Variants in CACNA1I observed in about 807,000 individuals in gnomAD.
CACNA1I encodes voltage-dependent T-type calcium channel subunit alpha-1I.
A neutral mutation model predicts 201.6 loss-of-function variants in CACNA1I; 74 were observed. The ratio of observed to expected loss-of-function variants is 0.37; its 90% confidence interval spans 0.30 to 0.45. The LOEUF is 0.45. CACNA1I is among the 20% of genes least tolerant of loss of function. The pLI, the probability that CACNA1I is intolerant of heterozygous loss-of-function variation, is 1.00. For synonymous variants in CACNA1I, 1,431 were observed against 1,345.2 expected (o/e 1.06, Z -1.40); for missense variants, 2,346 against 3,138.1 (o/e 0.75, Z 6.03).
At chr22:39,620,895 C>T (rs942554202) in intron 4 of CACNA1I, among the ~76,000 whole-genome samples, 3 of 152,092 alleles carry the variant, frequency 2.0e-5, no homozygotes, top group African/African-American at 7.2e-5. Flanking sequence ...GTAGCTGGGA[C>T]TACAGGCATG....
Position 39,686,730 on chromosome 22 carries a change from G to A in CACNA1I, c.*325G>A, listed in dbSNP as rs886871799. The A allele has an allele frequency of 1.3e-5, 2 of 150,792 alleles. No individual in the cohort carries two copies. The highest frequency in any genetic ancestry group is 3.0e-5 in the Non-Finnish European group (2 of 67,796). 9.3% of individuals were successfully genotyped at this position (150,792 alleles called of 1,614,324 possible). On this transcript the variant is annotated 3_prime_UTR_variant, in exon 37 of 37. Transcript: ENST00000402142. ...ACTGAGAGCTTATGACTTCCAGAAAGTGCTAAAGGTGGGAGGTGGGCCAGG... is the reference window on the plus strand; with the variant it reads ...ACTGAGAGCTTATGACTTCCAGAAAATGCTAAAGGTGGGAGGTGGGCCAGG...
At chr22:39,621,914 G>A (rs1047683555) in intron 4 of CACNA1I, among the ~76,000 whole-genome samples, 9 of 152,086 alleles carry the variant, frequency 5.9e-5, no homozygotes, top group African/African-American at 2.2e-4. Flanking sequence ...AATCCCAGAG[G>A]GCTCCTTGAA....
chr22:39,624,997 C>G (rs1480678694), intron 4 of CACNA1I, among the ~76,000 whole-genome samples: 1 of 149,760 alleles, frequency 6.7e-6, no homozygotes, highest in East Asian at 2.0e-4. Context: ...CAACCTCCAC[C>G]TCCCGGTTCA....
chr22:39,577,958 G>T (rs990017765), intron 1 of CACNA1I, among the ~76,000 whole-genome samples: 3 of 152,230 alleles, frequency 2.0e-5, no homozygotes, highest in Non-Finnish European at 2.9e-5. Context: ...GGATATTAAG[G>T]GGGATCCAAT....
At chr22:39,588,383 T>G (rs1402662699) in intron 1 of CACNA1I, among the ~76,000 whole-genome samples, 4 of 130,930 alleles carry the variant, frequency 3.1e-5, no homozygotes, top group Non-Finnish European at 4.9e-5. Flanking sequence ...CTTTCTTTCT[T>G]TCTTTTTTTT....
At chr22:39,582,730 A>G (rs1285006234) in intron 1 of CACNA1I, among the ~76,000 whole-genome samples, 1 of 146,622 alleles carries the variant, frequency 6.8e-6, no homozygotes, top group East Asian at 2.1e-4. Flanking sequence ...CCACTCACCC[A>G]TCTTCCCCCA....
intron 5 of CACNA1I, among the ~76,000 whole-genome samples, chr22:39,638,573 G>A (rs1934277468): frequency 6.6e-6 from 1 of 152,072 alleles, no homozygotes; most frequent in Non-Finnish European, 1.5e-5. Flanking sequence ...GTTTGCATTT[G>A]GTTATTTTGT....
rs1006315058 is a variant in CACNA1I at position 39,688,967 on chromosome 22, G to C, written c.*2562G>C. On this transcript the variant is annotated 3_prime_UTR_variant, in exon 37 of 37. Coordinates refer to ENST00000402142, the MANE Select transcript of CACNA1I (RefSeq NM_021096.4). The surrounding 1 kb of genome is among the most constrained non-coding windows in gnomAD (Gnocchi z 4.8). ...CCCAGGCACTTGACCTTGTTCCTGT[G>C]GGTGACAGAGATGAGAACCAGGGAA... 6.5e-6 allele frequency: 1 copy of C among 152,740 alleles called. No homozygotes were observed. Among genetic ancestry groups the C allele is most frequent in the Non-Finnish European group, 1.5e-5 (1 of 68,130 alleles). The allele number at this position is 152,740 out of a possible 1,614,324, so 9.5% of individuals were successfully genotyped here. A position where few individuals can be genotyped will look rare whatever the true frequency, so the allele number is the denominator to read the frequency against.
chr22:39,664,604 G>A (rs1935125037), intron 20 of CACNA1I, 135 bp from the exon 21 acceptor site: 20 of 383,726 alleles, frequency 5.2e-5, no homozygotes, highest in South Asian at 5.0e-4. Flanking sequence ...CTTCGGCCCC[G>A]CCACTTGCAG....
chr22:39,668,982 G>A (rs1935284373), intron 24 of CACNA1I, among the ~76,000 whole-genome samples: 1 of 152,124 alleles, frequency 6.6e-6, no homozygotes, highest in Admixed American at 6.5e-5. Context: ...GATTTGGGGA[G>A]GGGGATTGGG....
intron 19 of CACNA1I, 88 bp from the exon 20 acceptor site, chr22:39,664,003 T>G: frequency 6.6e-7 from 1 of 1,525,348 alleles, no homozygotes; most frequent in Non-Finnish European, 9.1e-7. Context: ...CAGCCTCTCC[T>G]CTACGAACCT....
chr22:39,646,447 C>A, intron 7 of CACNA1I, 122 bp from the exon 8 acceptor site: 1 of 1,406,166 alleles, frequency 7.1e-7, no homozygotes, highest in Admixed American at 2.8e-5. Flanking sequence ...ATCTCCCCAT[C>A]TCCCTCTGCC....
Position 39,652,192 on chromosome 22 carries a change from C to T in CACNA1I, c.1992+2267C>T, listed in dbSNP as rs527424037. On this transcript the variant is annotated intron_variant, in intron 10 of 36. Coordinates refer to ENST00000402142, the MANE Select transcript of CACNA1I (RefSeq NM_021096.4). ...CTAATTTTTAGTAGAGACGGGGTTTCGCCATGTTGGCCAGGCTGGTCTTGA... is the reference window on the plus strand; with the variant it reads ...CTAATTTTTAGTAGAGACGGGGTTTTGCCATGTTGGCCAGGCTGGTCTTGA... 5.3e-5 allele frequency among the ~76,000 whole-genome samples: 8 copies of T among 152,286 alleles called. No homozygotes were observed. In the South Asian group the frequency reaches 1.0e-3, roughly 20 times the overall value.
intron 6 of CACNA1I, among the ~76,000 whole-genome samples, chr22:39,642,217 C>T (rs1359132364): frequency 6.6e-6 from 1 of 152,086 alleles, no homozygotes; most frequent in Non-Finnish European, 1.5e-5. Context: ...AACCCTCTGC[C>T]CAGGAGGGTG....
intron 29 of CACNA1I, among the ~76,000 whole-genome samples, chr22:39,675,397 C>A (rs185418340): frequency 6.6e-6 from 1 of 152,130 alleles, no homozygotes; most frequent in Non-Finnish European, 1.5e-5. Context: ...CATGCTCTGA[C>A]CCCTGGGCGG....
intron 4 of CACNA1I, among the ~76,000 whole-genome samples, chr22:39,624,505 G>A (rs1601471635): frequency 2.0e-5 from 3 of 152,172 alleles, no homozygotes; most frequent in African/African-American, 4.8e-5. Context: ...GCCTGATTCC[G>A]CTTCTCAGAG....
intron 1 of CACNA1I, among the ~76,000 whole-genome samples, chr22:39,585,335 T>A (rs1042981168): frequency 1.5e-4 from 23 of 149,878 alleles, no homozygotes; most frequent in Admixed American, 6.0e-4. Context: ...AGTGCTGGGA[T>A]TACAAGTGTG....
chr22:39,627,134 C>G (rs1933920750), intron 4 of CACNA1I, among the ~76,000 whole-genome samples: 1 of 152,162 alleles, frequency 6.6e-6, no homozygotes, highest in Non-Finnish European at 1.5e-5. Context: ...CACTCCCGTC[C>G]CCAGTGTCTG....
intron 20 of CACNA1I, among the ~76,000 whole-genome samples, chr22:39,664,512 C>T (rs1935121351): frequency 6.6e-6 from 1 of 152,140 alleles, no homozygotes; most frequent in Admixed American, 6.5e-5. Context: ...GGGAACCTAA[C>T]AGGGCGGCCT....
Sources: allele counts gnomAD v4.1 joint callset (sites outside exome capture counted in the v4.1 genomes callset), GRCh38; gene constraint gnomAD v4.1.1; non-coding constraint Gnocchi (gnomAD v3.1); transcripts MANE v1.5; gene names NCBI Gene and HGNC (gene_info 2026-07-23, HGNC 2026-07-21).